TAF1B: variants seen among roughly 807,000 people sequenced by gnomAD.
The protein encoded by TAF1B is TATA box-binding protein-associated factor RNA polymerase I subunit B.
TAF1B carries 61 observed loss-of-function variants against 83.9 expected under a neutral mutation model. The ratio of observed to expected loss-of-function variants is 0.73; its 90% CI spans 0.59 to 0.90. The LOEUF (loss-of-function observed/expected upper bound fraction) is 0.90, where lower values mean the gene tolerates loss of function less well. Among genes scored for constraint, TAF1B ranks in the 40% least tolerant of loss-of-function variants. The pLI is 0.00. For synonymous variants in TAF1B, 221 were observed against 224.6 expected (o/e 0.98, Z 0.14); for missense variants, 625 against 677.0 (o/e 0.92, Z 0.85).
intron 9 of TAF1B, among the ~76,000 whole-genome samples, chr2:9,906,936 GGC>G (rs1665362179): frequency 6.6e-6 from 1 of 152,244 alleles, no homozygotes; most frequent in Middle Eastern, 3.4e-3. Flanking sequence ...GAAGTGCAGT[GGC>G]GTGATTGTAG....
chr2:9,879,318 T>C (rs371839716), intron 7 of TAF1B, among the ~76,000 whole-genome samples: 1 of 152,142 alleles, frequency 6.6e-6, no homozygotes, highest in Non-Finnish European at 1.5e-5. Context: ...ACTCTGACAG[T>C]AGATCTGAGA....
chr2:9,901,944 T>C (rs1050115413), intron 8 of TAF1B, among the ~76,000 whole-genome samples: 1 of 152,170 alleles, frequency 6.6e-6, no homozygotes, highest in Non-Finnish European at 1.5e-5. Flanking sequence ...AGAAAATTAC[T>C]TTGTATTCTT....
At chr2:9,915,418 C>G (rs1168573418) in intron 12 of TAF1B, among the ~76,000 whole-genome samples, 1 of 152,048 alleles carries the variant, frequency 6.6e-6, no homozygotes, top group Non-Finnish European at 1.5e-5. Flanking sequence ...AGATTTGTAT[C>G]TAGAGTATAT....
chr2:9,900,543 A>T (rs1965411), intron 8 of TAF1B, among the ~76,000 whole-genome samples: 49,120 of 151,772 alleles, frequency 0.32, 8,475 homozygotes, highest in African/African-American at 0.42. Context: ...CTCAAAAATA[A>T]TAATAATAAT....
chr2:9,884,172 G>T (rs984324879), intron 8 of TAF1B, among the ~76,000 whole-genome samples: 1 of 152,224 alleles, frequency 6.6e-6, no homozygotes, highest in Non-Finnish European at 1.5e-5. Flanking sequence ...GGCTGCGACC[G>T]GACCAGTCGC....
intron 8 of TAF1B, among the ~76,000 whole-genome samples, chr2:9,894,972 G>A (rs1467134447): frequency 6.6e-6 from 1 of 152,172 alleles, no homozygotes; most frequent in African/African-American, 2.4e-5. Flanking sequence ...GACTCCAATA[G>A]GTTTTTACCA....
At chr2:9,899,662 G>T (rs1665123142) in intron 8 of TAF1B, among the ~76,000 whole-genome samples, 1 of 113,590 alleles carries the variant, frequency 8.8e-6, no homozygotes, top group South Asian at 2.9e-4. Flanking sequence ...ATATATTTTT[G>T]AATGTTTTTT....
chr2:9,896,620 C>CAAA (rs71391108), intron 8 of TAF1B, among the ~76,000 whole-genome samples: 23 of 66,524 alleles, frequency 3.5e-4, no homozygotes, highest in African/African-American at 6.5e-4. Context: ...ATCTAAAAAC[C>CAAA]AAAAAAAAAA....
In TAF1B at chr2:9,868,016, A is replaced by G. The variant is rs184229721; in HGVS notation, c.400-260A>G. On this transcript the variant is annotated intron_variant, in intron 5 of 14. Transcript: ENST00000263663. The stretch of plus-strand genomic sequence containing the variant: ...GGTGAAGATATTAGCGCTGTAAGAG[A>G]GATGTTCATGGAAGAAGGAGACCTG... 3.9e-5 allele frequency among the ~76,000 whole-genome samples: 6 copies of G among 152,282 alleles called. No individual in the cohort carries two copies. The East Asian group carries it at 1.2e-3, about 29-fold the overall frequency.
At chr2:9,920,820 C>T (rs762116416) in intron 14 of TAF1B, among the ~76,000 whole-genome samples, 2 of 152,152 alleles carry the variant, frequency 1.3e-5, no homozygotes, top group Non-Finnish European at 2.9e-5. Flanking sequence ...GAAAACAACA[C>T]GCGCTTTTAT....
At chr2:9,882,613 C>A in intron 7 of TAF1B, 93 bp from the exon 8 acceptor site, 1 of 684,170 alleles carries the variant, frequency 1.5e-6, no homozygotes, top group Non-Finnish European at 2.3e-6. Context: ...TAATTCTTAC[C>A]TTGTCTTTGA....
intron 12 of TAF1B, 143 bp from the exon 13 acceptor site, chr2:9,918,898 A>T: frequency 1.4e-6 from 1 of 690,210 alleles, no homozygotes; most frequent in Non-Finnish European, 2.5e-6. Context: ...CCTAAGTTCA[A>T]TAGGCAATAT....
intron 14 of TAF1B, among the ~76,000 whole-genome samples, chr2:9,927,685 G>A (rs1325191202): frequency 2.0e-5 from 3 of 152,146 alleles, no homozygotes; most frequent in Non-Finnish European, 2.9e-5. Flanking sequence ...AGAAGTGTCT[G>A]TTCATATCCT....
In TAF1B at chr2:9,934,011, A is replaced by C. The variant is rs775722067; in HGVS notation, c.*27A>C. On this transcript the variant is annotated 3_prime_UTR_variant, in exon 15 of 15. Transcript: ENST00000263663. ...AAAATGAAATAGAAACTTTCTGGAA[A>C]AATATTTTAATAGTGATAATAACAT... 7.9e-6 allele frequency: 12 copies of C among 1,521,378 alleles called. No homozygotes were observed. The highest frequency in any genetic ancestry group is 1.1e-5 in the Non-Finnish European group (12 of 1,122,354). 94.2% of individuals were successfully genotyped at this position (1,521,378 alleles called of 1,614,324 possible).
In TAF1B at chr2:9,914,324, C is replaced by G. The variant is rs1467591988; in HGVS notation, c.1271+1075C>G. On this transcript the variant is annotated intron_variant, in intron 12 of 14. Transcript: ENST00000263663. This position sits in a 1 kb window ranked among gnomAD's most constrained non-coding sequence, Gnocchi z 4.3. Reference sequence around the variant, plus strand: ...CCATGGATTCCCAGGAAACCAGGCTCCCTGCCTCCTCATCAGAGAAGGAGT... The same window carrying G: ...CCATGGATTCCCAGGAAACCAGGCTGCCTGCCTCCTCATCAGAGAAGGAGT... Among the ~76,000 whole-genome samples, 1 of 152,056 alleles carries G rather than the reference C, an allele frequency of 6.6e-6. No homozygotes were observed. Among genetic ancestry groups the G allele is most frequent in the Non-Finnish European group, 1.5e-5 (1 of 68,006 alleles).
chr2:9,875,945 C>T lies in TAF1B; in HGVS notation c.634C>T (p.Pro212Ser), dbSNP rs1489471158. The T allele has an allele frequency of 1.9e-6, 3 of 1,613,608 alleles. No individual in the cohort carries two copies. The highest frequency in any genetic ancestry group is 2.5e-6 in the Non-Finnish European group (3 of 1,179,636). The change falls in exon 7 of 15, where the codon CCA becomes TCA. Residue 212 changes from proline to serine, a missense_variant. Coordinates refer to ENST00000263663, the MANE Select transcript of TAF1B (RefSeq NM_005680.3). ...GAAGGGAATCGTGAAGATGACCATG[C>T]CACAGACACTTGCCTTCTGTTATCT... is the stretch of plus-strand genomic sequence containing the variant. ...KEKGIVKMTM[P>S]QTLAFCYLSL...
intron 2 of TAF1B, among the ~76,000 whole-genome samples, chr2:9,847,384 A>C (rs1160753893): frequency 6.6e-6 from 1 of 152,214 alleles, no homozygotes; most frequent in Non-Finnish European, 1.5e-5. Context: ...GACTGTGAGA[A>C]TATAATGTGG....
chr2:9,882,854 T>G lies in TAF1B; in HGVS notation c.807+49T>G, dbSNP rs188470492. The G allele has an allele frequency of 4.4e-4, 579 of 1,318,818 alleles. 5 individuals are homozygous for G. In the African/African-American group the frequency reaches 7.9e-3, roughly 18 times the overall value. The allele number at this position is 1,318,818 out of a possible 1,614,324, so 81.7% of individuals were successfully genotyped here. A position where few individuals can be genotyped will look rare whatever the true frequency, so the allele number is the denominator to read the frequency against. On this transcript the variant is annotated intron_variant, in intron 8 of 14. Transcript: ENST00000263663. ...TCTAGTCTCTGATAAGGCACAAGAG[T>G]GGTATGATAATTTCTATTTCTTGCT...
intron 14 of TAF1B, among the ~76,000 whole-genome samples, chr2:9,920,661 G>A (rs1473617755): frequency 6.6e-6 from 1 of 152,066 alleles, no homozygotes. Context: ...CCACAGTGTA[G>A]TTACTATGTT....
Sources: gnomAD v4.1 joint callset for allele counts (sites outside exome capture counted in the v4.1 genomes callset) on GRCh38, gnomAD v4.1.1 for gene constraint, Gnocchi (gnomAD v3.1) non-coding constraint, MANE v1.5 for transcripts, NCBI Gene and HGNC (gene_info 2026-07-23, HGNC 2026-07-21) for gene names.